ASAP2: variants seen among roughly 807,000 people sequenced by gnomAD.
The protein encoded by ASAP2 is ArfGAP with SH3 domain, ankyrin repeat and PH domain 2, also known as arf-GAP with SH3 domain, ANK repeat and PH domain-containing protein 2.
In ASAP2, 45 loss-of-function variants were observed where a neutral mutation model predicts 131.4. That is an observed-to-expected ratio of 0.34 (90% CI 0.27 to 0.44). ASAP2 has a LOEUF of 0.44. ASAP2 is among the 20% of genes least tolerant of loss of function. The pLI, the probability that ASAP2 is intolerant of heterozygous loss-of-function variation, is 1.00. For missense variants in ASAP2, 1,011 were observed against 1,297.0 expected (o/e 0.78, Z 3.39); for synonymous variants, 510 against 503.0 (o/e 1.01, Z -0.19).
intron 1 of ASAP2, among the ~76,000 whole-genome samples, chr2:9,261,501 T>C (rs1425377033): frequency 6.6e-6 from 1 of 152,234 alleles, no homozygotes; most frequent in Non-Finnish European, 1.5e-5. Flanking sequence ...TGTAAATTGC[T>C]GTATGGTAGT....
intron 1 of ASAP2, among the ~76,000 whole-genome samples, chr2:9,242,439 T>C (rs926990399): frequency 3.9e-5 from 6 of 152,222 alleles, no homozygotes; most frequent in Non-Finnish European, 5.9e-5. Flanking sequence ...CCTAGAGGAA[T>C]TGGATGCTAC....
intron 20 of ASAP2, among the ~76,000 whole-genome samples, chr2:9,381,980 CTTT>C (rs759499289): frequency 3.1e-3 from 362 of 115,966 alleles, no homozygotes; most frequent in African/African-American, 0.012. Flanking sequence ...CTCATTTAAT[CTTT>C]TTTTTTTTTT....
At chr2:9,385,783 C>G (rs1462635522) in intron 21 of ASAP2, among the ~76,000 whole-genome samples, 1 of 152,200 alleles carries the variant, frequency 6.6e-6, no homozygotes, top group African/African-American at 2.4e-5. Context: ...CTCACTGGGT[C>G]CAACCCCTTC....
intron 15 of ASAP2, among the ~76,000 whole-genome samples, chr2:9,361,920 G>C (rs1302010115): frequency 6.6e-6 from 1 of 151,838 alleles, no homozygotes; most frequent in Non-Finnish European, 1.5e-5. Flanking sequence ...ATCAGGTACT[G>C]GGATGAAGGA....
At chr2:9,209,599 T>C (rs4669380) in intron 1 of ASAP2, among the ~76,000 whole-genome samples, 152,377 of 152,386 alleles carry the variant, frequency 1, 76,184 homozygotes, top group Middle Eastern at 1. Context: ...TACGGAGTTT[T>C]GCTCTTGTTG....
intron 22 of ASAP2, among the ~76,000 whole-genome samples, chr2:9,390,203 C>T (rs529626114): frequency 6.6e-6 from 1 of 152,350 alleles, no homozygotes; most frequent in Admixed American, 6.5e-5. Context: ...CCTGCCATCT[C>T]CACCATTCTC....
chr2:9,389,195 G>A lies in ASAP2; in HGVS notation c.2383+649G>A, dbSNP rs1013338590. On this transcript the variant is annotated intron_variant, in intron 22 of 27. Transcript: ENST00000281419. The surrounding 1 kb of genome is among the most constrained non-coding windows in gnomAD (Gnocchi z 4.7). ...TAAGTAATTTGTTCATTCCTGAAGA[G>A]CAGCTGGCTACGGTGCTTCTTGAAG... Among the ~76,000 whole-genome samples the A allele has an allele frequency of 2.0e-5, 3 of 152,228 alleles. No individual in the cohort carries two copies. The highest frequency in any genetic ancestry group is 7.2e-5 in the African/African-American group (3 of 41,448).
chr2:9,286,228 C>G (rs1249694223), intron 2 of ASAP2, among the ~76,000 whole-genome samples: 1 of 151,934 alleles, frequency 6.6e-6, no homozygotes, highest in African/African-American at 2.4e-5. Flanking sequence ...GAAACCCTGC[C>G]TCTACAAAAA....
At position 9,350,859 on chromosome 2, in the gene ASAP2, A is replaced by T; in HGVS notation, c.1075A>T (p.Asn359Tyr). The T allele has an allele frequency of 1.2e-6, 2 of 1,613,524 alleles. No individual in the cohort carries two copies. The highest frequency in any genetic ancestry group is 1.7e-6 in the Non-Finnish European group (2 of 1,179,622). The change falls in exon 12 of 28, where the codon AAC (asparagine) becomes TAC (tyrosine). Residue 359 changes from asparagine to tyrosine, a missense_variant. By Grantham distance (143) the Asn-to-Tyr change is moderately radical. Coordinates refer to ENST00000281419, the MANE Select transcript of ASAP2 (RefSeq NM_003887.3). ...CCTGCTAACCTGCCAGGTGAAGACCAACCCTGAGGAGAAGAAGTGCTTTGA... is the reference window on the plus strand; with the variant it reads ...CCTGCTAACCTGCCAGGTGAAGACCTACCCTGAGGAGAAGAAGTGCTTTGA... ...LNLLTCQVKT[N>Y]PEEKKCFDLI...
At chr2:9,208,309 T>C (rs1250720301) in intron 1 of ASAP2, among the ~76,000 whole-genome samples, 15 of 127,610 alleles carry the variant, frequency 1.2e-4, no homozygotes, top group African/African-American at 4.4e-4. Context: ...TGCAGGTGTT[T>C]TAGCAGAAGA....
intron 21 of ASAP2, among the ~76,000 whole-genome samples, chr2:9,386,306 A>G (rs1367142863): frequency 2.0e-5 from 3 of 152,298 alleles, no homozygotes; most frequent in Admixed American, 6.5e-5. Flanking sequence ...AGAATACAGA[A>G]TAAGAAATTA....
At chr2:9,307,749 G>A (rs1469830296) in intron 3 of ASAP2, among the ~76,000 whole-genome samples, 1 of 152,248 alleles carries the variant, frequency 6.6e-6, no homozygotes, top group Non-Finnish European at 1.5e-5. Context: ...GTTCTGGTGT[G>A]AAAGTTGCCA....
intron 3 of ASAP2, among the ~76,000 whole-genome samples, chr2:9,313,626 G>T (rs534289722): frequency 2.6e-5 from 4 of 152,314 alleles, no homozygotes; most frequent in African/African-American, 9.6e-5. Context: ...CACGTGCCTT[G>T]TTCTAGACCG....
chr2:9,387,137 C>G (rs1175454160), intron 21 of ASAP2, among the ~76,000 whole-genome samples: 1 of 147,360 alleles, frequency 6.8e-6, no homozygotes, highest in Non-Finnish European at 1.5e-5. Context: ...TGGCGTAAAC[C>G]CGGGAGGCGG....
intron 2 of ASAP2, among the ~76,000 whole-genome samples, chr2:9,288,183 C>G (rs777645056): frequency 6.6e-6 from 1 of 152,134 alleles, no homozygotes; most frequent in African/African-American, 2.4e-5. Context: ...TAAACCTGTC[C>G]GCAAACCCAA....
At chr2:9,393,762 A>G in intron 24 of ASAP2, 115 bp downstream of exon 24, 1 of 1,139,894 alleles carries the variant, frequency 8.8e-7, no homozygotes, top group Non-Finnish European at 1.2e-6. Context: ...CGTGGGCGCC[A>G]CATAACTAAT....
At chr2:9,220,081 T>A (rs527365797) in intron 1 of ASAP2, among the ~76,000 whole-genome samples, 2 of 152,364 alleles carry the variant, frequency 1.3e-5, no homozygotes, top group South Asian at 4.1e-4. Context: ...CAAATGTGTA[T>A]GATACATTTT....
chr2:9,270,785 A>ATTTTTTTTCTTTTTTTTTTTTTTT (rs1666300885), intron 1 of ASAP2, among the ~76,000 whole-genome samples: 1 of 52,924 alleles, frequency 1.9e-5, no homozygotes, highest in Non-Finnish European at 3.5e-5. Flanking sequence ...AATTGTTTTC[A>ATTTTTTTTCTTTTTTTTTTTTTTT]TTTTTTTTTT....
intron 12 of ASAP2, 90 bp downstream of exon 12, chr2:9,350,985 A>T: frequency 9.8e-7 from 1 of 1,019,410 alleles, no homozygotes; most frequent in Non-Finnish European, 1.4e-6. Context: ...CTGCATTCGG[A>T]AGAATTGGTT....
Sources: gnomAD v4.1 joint callset for allele counts (sites outside exome capture counted in the v4.1 genomes callset) on GRCh38, gnomAD v4.1.1 for gene constraint, Gnocchi (gnomAD v3.1) non-coding constraint, MANE v1.5 for transcripts, NCBI Gene and HGNC (gene_info 2026-07-23, HGNC 2026-07-21) for gene names.